KIDINS220: variants seen among roughly 807,000 people sequenced by gnomAD.
The protein encoded by KIDINS220 is kinase D-interacting substrate of 220 kDa.
Under a neutral mutation model 157.6 loss-of-function variants are expected in KIDINS220, and 63 were observed. That is an observed-to-expected ratio of 0.40 (90% CI 0.33 to 0.49). The LOEUF is 0.49. Ranked by LOEUF, KIDINS220 falls within the 20% of genes least tolerant of loss-of-function variation. The pLI is 0.66. For missense variants in KIDINS220, 1,772 were observed against 2,171.2 expected (o/e 0.82, Z 3.65); for synonymous variants, 732 against 783.6 (o/e 0.93, Z 1.10).
At chr2:8,786,536 T>G (rs1481808836) in intron 15 of KIDINS220, among the ~76,000 whole-genome samples, 179 bp from the exon 16 acceptor site, 2 of 152,028 alleles carry the variant, frequency 1.3e-5, no homozygotes, top group Non-Finnish European at 2.9e-5. Context: ...TTCTAAAATC[T>G]TACATACTTT....
intron 22 of KIDINS220, among the ~76,000 whole-genome samples, chr2:8,770,238 T>A (rs1017531273): frequency 6.6e-6 from 1 of 151,930 alleles, no homozygotes; most frequent in African/African-American, 2.4e-5. Flanking sequence ...TCCCCGCCTC[T>A]ACAAAAAAAT....
intron 4 of KIDINS220, 141 bp downstream of exon 4, chr2:8,817,477 G>A (rs542459154): frequency 2.2e-6 from 1 of 464,290 alleles, no homozygotes; most frequent in African/African-American, 2.0e-5. Flanking sequence ...AAACATTCTT[G>A]AGGGTCATTT....
chr2:8,794,840 G>A (rs2148293808), intron 11 of KIDINS220, among the ~76,000 whole-genome samples: 1 of 152,234 alleles, frequency 6.6e-6, no homozygotes, highest in East Asian at 1.9e-4. Flanking sequence ...TCTTCCTGTG[G>A]CTTCCAAGGC....
chr2:8,835,092 T>C (rs1018635181), intron 1 of KIDINS220, among the ~76,000 whole-genome samples: 5 of 152,166 alleles, frequency 3.3e-5, no homozygotes, highest in African/African-American at 1.2e-4. Flanking sequence ...GAAGTGATCC[T>C]CCTGCCTTAG....
intron 26 of KIDINS220, among the ~76,000 whole-genome samples, chr2:8,744,395 A>ATCTATC (rs1666223138): frequency 6.8e-4 from 18 of 26,416 alleles, no homozygotes; most frequent in Non-Finnish European, 9.3e-4. Context: ...AAAAATATAT[A>ATCTATC]TATATAATAT....
At position 8,731,484 on chromosome 2, in the gene KIDINS220, T is replaced by G. The variant is rs1664084367; in HGVS notation, c.4552A>C (p.Lys1518Gln). The change falls in exon 30 of 30, where the codon AAA (lysine) becomes CAA (glutamine). Residue 1518 changes from lysine (K) to glutamine (Q), a missense_variant. Physicochemically the swap from Lys to Gln is moderately conservative, Grantham distance 53. Coordinates refer to ENST00000256707, the MANE Select transcript of KIDINS220 (RefSeq NM_020738.4). This position sits in a 1 kb window ranked among gnomAD's most constrained non-coding sequence, Gnocchi z 5.2. ...GATTCATCCTCGTCACTTGGGAGTT[T>G]TTGATAGCGCAGCCCACTTCCCTTA... is the stretch of plus-strand genomic sequence containing the variant. ...KLKGSGLRYQ[K>Q]LPSDEDESGT... The G allele has an allele frequency of 6.2e-7, 1 of 1,614,094 alleles. No individual in the cohort carries two copies. Among genetic ancestry groups the G allele is most frequent in the Non-Finnish European group, 8.5e-7 (1 of 1,180,038 alleles).
In KIDINS220 at chr2:8,813,341, C is replaced by T; in HGVS notation, c.307-6G>A. On this transcript the variant is annotated splice_polypyrimidine_tract_variant and splice_region_variant and intron_variant, in intron 4 of 29. Coordinates refer to ENST00000256707, the MANE Select transcript of KIDINS220 (RefSeq NM_020738.4). ...ATAAGAGCTGTCCATCCTCCCTAAA[C>T]AAAAAATGTAGGGGTAAGGGAATCA... 1 of 1,595,202 alleles carries T rather than the reference C, an allele frequency of 6.3e-7. No individual in the cohort carries two copies. The highest frequency in any genetic ancestry group is 1.1e-5 in the South Asian group (1 of 88,428).
At chr2:8,742,118 G>A (rs1665711814) in intron 26 of KIDINS220, among the ~76,000 whole-genome samples, 1 of 152,014 alleles carries the variant, frequency 6.6e-6, no homozygotes, top group Non-Finnish European at 1.5e-5. Flanking sequence ...TTGTCCACAG[G>A]TGAGCCCCAC....
At chr2:8,779,161 GT>G in intron 18 of KIDINS220, 22 bp from the exon 19 acceptor site, 1 of 1,607,102 alleles carries the variant, frequency 6.2e-7, no homozygotes, top group Non-Finnish European at 8.5e-7. Context: ...GAAATGTACA[GT>G]TGTGACATAC....
At chr2:8,773,112 T>C (rs1380297723) in intron 21 of KIDINS220, among the ~76,000 whole-genome samples, 1 of 152,214 alleles carries the variant, frequency 6.6e-6, no homozygotes, top group East Asian at 1.9e-4. Context: ...ATGAAACTAA[T>C]GGTGTTAGGG....
At chr2:8,728,764 G>T, downstream of KIDINS220, 1 of 714,484 alleles carries the variant, frequency 1.4e-6, no homozygotes, top group Non-Finnish European at 1.7e-6. Flanking sequence ...CTCTTAAAAA[G>T]ACTAGTTGGG....
intron 29 of KIDINS220, 52 bp downstream of exon 29, chr2:8,733,392 T>G (rs1664412817): frequency 7.0e-7 from 1 of 1,429,588 alleles, no homozygotes; most frequent in Non-Finnish European, 9.8e-7. Context: ...CTCAGTGAAC[T>G]GAACGGTGTG....
At chr2:8,761,449 C>A (rs1351970772) in intron 22 of KIDINS220, among the ~76,000 whole-genome samples, 3 of 152,100 alleles carry the variant, frequency 2.0e-5, no homozygotes, top group Non-Finnish European at 2.9e-5. Context: ...AGATCGATTT[C>A]TTTATGCTCC....
rs536530345 is a variant in KIDINS220 at position 8,737,518 on chromosome 2, G to A, written c.3586-519C>T. On this transcript the variant is annotated intron_variant, in intron 26 of 29. Transcript: ENST00000256707. Reference sequence around the variant, plus strand: ...GAAGTTTTCAGATCTTCATCATATTGTATCCAAGGGATCTAAAACTTCCTT... The same window carrying A: ...GAAGTTTTCAGATCTTCATCATATTATATCCAAGGGATCTAAAACTTCCTT... 1.4e-3 allele frequency among the ~76,000 whole-genome samples: 206 copies of A among 152,268 alleles called. 1 individual carries two copies. The highest frequency in any genetic ancestry group is 2.1e-3 in the Non-Finnish European group (144 of 68,026).
intron 17 of KIDINS220, 137 bp downstream of exon 17, chr2:8,785,600 CGAAT>C (rs1044982854): frequency 7.5e-5 from 59 of 782,456 alleles, no homozygotes; most frequent in East Asian, 5.3e-4. Flanking sequence ...CTTGAATGAA[CGAAT>C]GAATGAATGA....
chr2:8,796,816 C>A lies in KIDINS220; in HGVS notation c.1053G>T (p.Val351=), dbSNP rs1416225762. Residue 351 remains valine (V), a synonymous_variant, in exon 11 of 30, where the codon GTG becomes GTT. Transcript: ENST00000256707. ...TAGCACCTTTATCTAGCAGCAGCTC[C>A]ACCACTTCAATGTTTCTCATCTTGG... ...KATKMRNIEV[V]ELLLDKGAKV... is the part of the protein sequence containing the mutation. 1 of 1,614,078 alleles carries A rather than the reference C, an allele frequency of 6.2e-7. No homozygotes were observed. Among genetic ancestry groups the A allele is most frequent in the Non-Finnish European group, 8.5e-7 (1 of 1,180,036 alleles).
At chr2:8,736,831 GC>G (rs1399945264) in intron 27 of KIDINS220, 36 bp downstream of exon 27, 2 of 1,611,410 alleles carry the variant, frequency 1.2e-6, no homozygotes, top group East Asian at 4.5e-5. Flanking sequence ...TCCGCCCCCA[GC>G]GCTGTCTCTG....
At chr2:8,835,536 A>G (rs1238441062) in intron 1 of KIDINS220, among the ~76,000 whole-genome samples, 1 of 152,030 alleles carries the variant, frequency 6.6e-6, no homozygotes. Flanking sequence ...ACAGATATGA[A>G]CAGAAAAGAG....
At chr2:8,833,479 C>CT (rs34083774) in intron 1 of KIDINS220, among the ~76,000 whole-genome samples, 37,287 of 128,904 alleles carry the variant, frequency 0.29, 5,346 homozygotes, top group Middle Eastern at 0.33. Flanking sequence ...TTAAATTTGT[C>CT]TTTTTTTTTT....
Sources: gnomAD v4.1 joint callset for allele counts (sites outside exome capture counted in the v4.1 genomes callset) on GRCh38, gnomAD v4.1.1 for gene constraint, Gnocchi (gnomAD v3.1) non-coding constraint, MANE v1.5 for transcripts, NCBI Gene and HGNC (gene_info 2026-07-23, HGNC 2026-07-21) for gene names.